SLC38A8: variants seen among roughly 807,000 people sequenced by gnomAD.
SLC38A8 encodes amino acid transporter SLC38A8.
In SLC38A8, 65 loss-of-function variants were observed where a neutral mutation model predicts 46.0. The observed-to-expected ratio is 1.41, with a 90% CI of 1.16 to 1.74. The LOEUF is 1.74. SLC38A8 is among the 40% of genes most tolerant of loss of function. SLC38A8 has a pLI of 0.00. For missense variants in SLC38A8, 998 were observed against 567.9 expected (o/e 1.76, Z -7.70); for synonymous variants, 447 against 243.7 (o/e 1.83, Z -7.77).
At chr16:84,020,867 G>A (rs905504045) in intron 7 of SLC38A8, among the ~76,000 whole-genome samples, 12 of 152,096 alleles carry the variant, frequency 7.9e-5, no homozygotes, top group African/African-American at 7.2e-5. Flanking sequence ...TTTCCTATAC[G>A]CGCTGCACTC....
intron 8 of SLC38A8, among the ~76,000 whole-genome samples, 193 bp from the exon 9 acceptor site, chr16:84,016,920 G>T (rs1168692142): frequency 6.6e-6 from 1 of 152,162 alleles, no homozygotes; most frequent in Non-Finnish European, 1.5e-5. Flanking sequence ...ATGGGGCAGG[G>T]GATGAAGCAC....
chr16:84,018,738 T>C (rs964261397), intron 7 of SLC38A8, among the ~76,000 whole-genome samples: 4 of 152,194 alleles, frequency 2.6e-5, no homozygotes, highest in African/African-American at 9.6e-5. Context: ...AACACAGTGA[T>C]GTCTGATGAA....
At position 84,024,113 on chromosome 16, in the gene SLC38A8, A is replaced by G. The variant is rs576047549; in HGVS notation, c.691-1224T>C. Among the ~76,000 whole-genome samples the G allele has an allele frequency of 1.1e-4, 16 of 152,206 alleles. 1 individual carries two copies. In the East Asian group the frequency reaches 2.7e-3, roughly 26 times the overall value. On this transcript the variant is annotated intron_variant, in intron 6 of 10. Coordinates refer to ENST00000299709, the MANE Select transcript of SLC38A8 (RefSeq NM_001080442.3). The stretch of plus-strand genomic sequence containing the variant: ...ATGCCAGTAACAGCCCCCCTCCCCC[A>G]AGTTGTGACAACCCAAAATGTCTGC...
At chr16:84,030,772 G>A (rs565471292) in intron 5 of SLC38A8, among the ~76,000 whole-genome samples, 1 of 152,148 alleles carries the variant, frequency 6.6e-6, no homozygotes, top group African/African-American at 2.4e-5. Context: ...ACCCTTGTTG[G>A]ACAAGGATTA....
rs746499353 is a variant in SLC38A8 at position 84,017,235 on chromosome 16, C to T, written c.858G>A (p.Met286Ile). 2 of 1,614,076 alleles carry T rather than the reference C, an allele frequency of 1.2e-6. No homozygotes were observed. Among genetic ancestry groups the T allele is most frequent in the Non-Finnish European group, 8.5e-7 (1 of 1,180,012 alleles). ...FGTEVSADVL[M>I]SYPGNDMVII... ...TGACCATATCATTGCCTGGGTAGGA[C>T]ATCAAGACGTCAGCAGAAACTTCTG... Residue 286 changes from methionine to isoleucine, a missense_variant, in exon 8 of 11, where the codon ATG becomes ATA. Physicochemically the swap from Met to Ile is conservative, Grantham distance 10 (BLOSUM62 1). Coordinates refer to ENST00000299709, the MANE Select transcript of SLC38A8 (RefSeq NM_001080442.3).
intron 2 of SLC38A8, chr16:84,039,783 T>A (rs7197686): frequency 7.4e-6 from 1 of 135,988 alleles, no homozygotes; most frequent in African/African-American, 2.7e-5. Context: ...GGGGAAGGTG[T>A]GGGGGGCAAG....
At chr16:84,042,203 T>C in intron 1 of SLC38A8, 44 bp from the exon 2 acceptor site, 2 of 1,552,106 alleles carry the variant, frequency 1.3e-6, no homozygotes, top group East Asian at 2.3e-5. Flanking sequence ...GTCTTCACGC[T>C]TTCCTCCCTA....
chr16:84,014,698 C>G (rs192062043), intron 9 of SLC38A8, among the ~76,000 whole-genome samples: 1 of 152,224 alleles, frequency 6.6e-6, no homozygotes, highest in Non-Finnish European at 1.5e-5. Flanking sequence ...TCTCTTAATC[C>G]CAGTAGACCC....
At chr16:84,012,078 T>C (rs997495762) in intron 10 of SLC38A8, among the ~76,000 whole-genome samples, 2 of 152,118 alleles carry the variant, frequency 1.3e-5, no homozygotes, top group Non-Finnish European at 2.9e-5. Flanking sequence ...GCTCCAGAAC[T>C]GGGGAAAAAA....
At chr16:84,025,093 G>A (rs918328430) in intron 6 of SLC38A8, among the ~76,000 whole-genome samples, 4 of 152,198 alleles carry the variant, frequency 2.6e-5, no homozygotes, top group African/African-American at 7.2e-5. Context: ...ACAGCCAAGA[G>A]AATACTGATG....
At position 84,036,825 on chromosome 16, in the gene SLC38A8, G is replaced by C; in HGVS notation, c.265C>G (p.Gln89Glu). The C allele has an allele frequency of 6.2e-7, 1 of 1,614,022 alleles. No individual in the cohort carries two copies. The highest frequency in any genetic ancestry group is 8.5e-7 in the Non-Finnish European group (1 of 1,180,010). Residue 89 changes from glutamine to glutamate, a missense_variant, in exon 3 of 11, where the codon CAG (glutamine) becomes GAG (glutamate). Coordinates refer to ENST00000299709, the MANE Select transcript of SLC38A8 (RefSeq NM_001080442.3). ...CCACACAGCCCCCTGACCACACCCT[G>C]GTAGGTGGCCTGGCCACTGACAGCA... ...AAAVSGQATY[Q>E]GVVRGLCGPA...
chr16:84,012,973 G>A (rs762428151), intron 10 of SLC38A8, 28 bp downstream of exon 10: 4 of 1,612,050 alleles, frequency 2.5e-6, no homozygotes, highest in South Asian at 2.2e-5. Context: ...GCACACCCAG[G>A]GTGCCACCTC....
intron 10 of SLC38A8, among the ~76,000 whole-genome samples, chr16:84,011,604 G>A (rs1597245612): frequency 2.0e-5 from 3 of 152,242 alleles, no homozygotes; most frequent in South Asian, 4.1e-4. Flanking sequence ...TGTCTACCTG[G>A]AACCTGTGCT....
At chr16:84,010,591 T>C (rs572791616) in intron 10 of SLC38A8, among the ~76,000 whole-genome samples, 4 of 151,486 alleles carry the variant, frequency 2.6e-5, no homozygotes, top group Admixed American at 6.6e-5. Context: ...AAAATAAAAA[T>C]AAAAAATTAG....
intron 2 of SLC38A8, among the ~76,000 whole-genome samples, 188 bp downstream of exon 2, chr16:84,041,781 G>A (rs913673902): frequency 6.6e-6 from 1 of 152,180 alleles, no homozygotes. Context: ...GCCCACGGGG[G>A]ATATTCTCAT....
chr16:84,016,805 C>A, intron 8 of SLC38A8, 78 bp from the exon 9 acceptor site: 1 of 1,440,512 alleles, frequency 6.9e-7, no homozygotes, highest in Non-Finnish European at 9.4e-7. Context: ...CCCCAGTCCT[C>A]CAGGAGTCCC....
upstream of SLC38A8, among the ~76,000 whole-genome samples, chr16:84,043,124 C>A (rs2085385761): frequency 6.6e-6 from 1 of 152,212 alleles, no homozygotes; most frequent in African/African-American, 2.4e-5. Context: ...CTCCTCCACC[C>A]AACTCCAGCA....
At chr16:84,036,342 T>C (rs143440490) in intron 3 of SLC38A8, among the ~76,000 whole-genome samples, 339 of 152,334 alleles carry the variant, frequency 2.2e-3, no homozygotes, top group African/African-American at 7.9e-3. Context: ...GAGGCCAAGG[T>C]TGGTGAGGGC....
chr16:84,013,623 A>G (rs2084985588), intron 9 of SLC38A8, among the ~76,000 whole-genome samples: 3 of 149,640 alleles, frequency 2.0e-5, no homozygotes, highest in Admixed American at 1.3e-4. Flanking sequence ...TAGAGACGGG[A>G]TTTCACCATG....
Sources: gnomAD v4.1 joint callset for allele counts (sites outside exome capture counted in the v4.1 genomes callset) on GRCh38, gnomAD v4.1.1 for gene constraint, MANE v1.5 for transcripts, NCBI Gene and HGNC (gene_info 2026-07-23, HGNC 2026-07-21) for gene names.